Variants in ARHGAP8 observed in about 807,000 individuals in gnomAD.
ARHGAP8 encodes Rho GTPase activating protein 8.
A neutral mutation model predicts 46.1 loss-of-function variants in ARHGAP8; 62 were observed. The observed-to-expected ratio is 1.34, with a 90% CI of 1.10 to 1.66. The LOEUF is 1.66. ARHGAP8 is among the 40% of genes most tolerant of loss of function. ARHGAP8 has a pLI of 0.00. For missense variants in ARHGAP8, 923 were observed against 568.4 expected (o/e 1.62, Z -6.34); for synonymous variants, 375 against 243.1 (o/e 1.54, Z -5.05).
intron 2 of ARHGAP8, 63 bp from the exon 3 acceptor site, chr22:44,802,014 T>C: frequency 1.3e-6 from 2 of 1,599,682 alleles, no homozygotes; most frequent in East Asian, 2.2e-5. Flanking sequence ...TGCTTTTTGC[T>C]AAGTGCCTGA....
At chr22:44,843,032 C>T (rs915920151) in intron 7 of ARHGAP8, among the ~76,000 whole-genome samples, 1 of 152,126 alleles carries the variant, frequency 6.6e-6, no homozygotes. Flanking sequence ...CTCTAAGGAT[C>T]AGGGAGAGGA....
chr22:44,861,632 T>G (rs1453649140), intron 11 of ARHGAP8, among the ~76,000 whole-genome samples: 8 of 152,116 alleles, frequency 5.3e-5, no homozygotes, highest in African/African-American at 7.2e-5. Context: ...TTGAATCTTG[T>G]AGGGAGGCAA....
chr22:44,800,100 C>CTTTTT (rs769010356), intron 2 of ARHGAP8, among the ~76,000 whole-genome samples: 3 of 92,554 alleles, frequency 3.2e-5, no homozygotes, highest in African/African-American at 5.0e-5. Flanking sequence ...TCTGTTCTGT[C>CTTTTT]TTTTTTTTTT....
intron 7 of ARHGAP8, among the ~76,000 whole-genome samples, chr22:44,832,869 A>G (rs1474363102): frequency 6.6e-6 from 1 of 152,066 alleles, no homozygotes; most frequent in African/African-American, 2.4e-5. Context: ...GCATGTACCT[A>G]TATTCTCAGC....
chr22:44,813,938 G>A (rs972186200), intron 4 of ARHGAP8, among the ~76,000 whole-genome samples: 28 of 152,108 alleles, frequency 1.8e-4, no homozygotes, highest in Admixed American at 7.2e-4. Context: ...TGGCTCTGGC[G>A]TCCTGCAGGC....
At chr22:44,822,808 C>T (rs1034960906) in intron 6 of ARHGAP8, among the ~76,000 whole-genome samples, 3 of 152,184 alleles carry the variant, frequency 2.0e-5, no homozygotes, top group South Asian at 4.1e-4. Flanking sequence ...ATTTCCCAGG[C>T]GTGTGGATAA....
chr22:44,854,945 C>G (rs1383080549), intron 10 of ARHGAP8, among the ~76,000 whole-genome samples: 1 of 152,194 alleles, frequency 6.6e-6, no homozygotes, highest in Non-Finnish European at 1.5e-5. Context: ...CGTGCCCAAC[C>G]TATACAGCTG....
intron 10 of ARHGAP8, 168 bp downstream of exon 10, chr22:44,849,228 C>T (rs2070036495): frequency 7.8e-7 from 1 of 1,282,310 alleles, no homozygotes; most frequent in Non-Finnish European, 1.1e-6. Context: ...GGGCTGCCCC[C>T]ACCATGCACA....
chr22:44,845,745 C>G (rs546139751), intron 8 of ARHGAP8, among the ~76,000 whole-genome samples: 1 of 152,326 alleles, frequency 6.6e-6, no homozygotes, highest in South Asian at 2.1e-4. Flanking sequence ...TTGCAGATAC[C>G]ATTGCCAGTA....
chr22:44,830,102 C>T (rs1160954163), intron 7 of ARHGAP8, among the ~76,000 whole-genome samples: 1 of 151,146 alleles, frequency 6.6e-6, no homozygotes, highest in African/African-American at 2.4e-5. Flanking sequence ...CTGCTCACTG[C>T]AACCTCTGCC....
intron 1 of ARHGAP8, among the ~76,000 whole-genome samples, chr22:44,782,260 C>T (rs8135198): frequency 0.85 from 129,350 of 152,110 alleles, 55,214 homozygotes; most frequent in Non-Finnish European, 0.89. Context: ...TCGCTTGAAC[C>T]GGAGAGGAGG....
chr22:44,860,325 GTGTGGCGGGC>G (rs2070410486), intron 11 of ARHGAP8, among the ~76,000 whole-genome samples: 1 of 152,138 alleles, frequency 6.6e-6, no homozygotes, highest in African/African-American at 2.4e-5. Flanking sequence ...CAAAAGCAAG[GTGTGGCGGGC>G]TGTGCTCCTT....
chr22:44,799,246 A>C (rs909313587), intron 2 of ARHGAP8, among the ~76,000 whole-genome samples: 1 of 152,216 alleles, frequency 6.6e-6, no homozygotes, highest in African/African-American at 2.4e-5. Context: ...AAAGCCACCA[A>C]GGCTGCGTGT....
intron 2 of ARHGAP8, among the ~76,000 whole-genome samples, chr22:44,789,205 A>G (rs1358319715): frequency 6.6e-6 from 1 of 151,666 alleles, no homozygotes; most frequent in Non-Finnish European, 1.5e-5. Context: ...GCTGGAGTAC[A>G]GTGGTGCGAT....
At chr22:44,843,672 T>C (rs961352490) in intron 7 of ARHGAP8, among the ~76,000 whole-genome samples, 1 of 151,756 alleles carries the variant, frequency 6.6e-6, no homozygotes, top group Non-Finnish European at 1.5e-5. Flanking sequence ...CTACAAAAAA[T>C]TAACTGGCAT....
intron 7 of ARHGAP8, among the ~76,000 whole-genome samples, chr22:44,827,180 C>T (rs62232216): frequency 1.3e-5 from 2 of 151,682 alleles, no homozygotes; most frequent in African/African-American, 4.8e-5. Context: ...CGGAGGGGTG[C>T]GGGGCCAGAA....
chr22:44,862,085 C>T (rs749812702), intron 11 of ARHGAP8, among the ~76,000 whole-genome samples, 190 bp from the exon 12 acceptor site: 13 of 152,180 alleles, frequency 8.5e-5, no homozygotes, highest in African/African-American at 2.4e-5. Context: ...CCAAGCCTTC[C>T]TTTTAGAGAT....
intron 3 of ARHGAP8, among the ~76,000 whole-genome samples, chr22:44,803,794 C>T (rs1401747509): frequency 1.4e-5 from 2 of 146,002 alleles, no homozygotes; most frequent in Admixed American, 6.9e-5. Flanking sequence ...CAGGAACACA[C>T]CCCCTCCTGT....
chr22:44,860,750 G>T (rs1387646525), intron 11 of ARHGAP8, among the ~76,000 whole-genome samples: 1 of 124,690 alleles, frequency 8.0e-6, no homozygotes, highest in Non-Finnish European at 1.8e-5. Flanking sequence ...AAAAACCTGT[G>T]CAGCCAACAG....
Sources: allele counts gnomAD v4.1 joint callset (sites outside exome capture counted in the v4.1 genomes callset), GRCh38; gene constraint gnomAD v4.1.1; transcripts MANE v1.5; gene names NCBI Gene and HGNC (gene_info 2026-07-23, HGNC 2026-07-21).